The following FAM169A variants were observed in gnomAD, a reference collection of about 807,000 sequenced individuals.
FAM169A encodes the protein family with sequence similarity 169 member A, also known as soluble lamin-associated protein of 75 kDa.
FAM169A carries 24 observed loss-of-function variants against 75.7 expected under a neutral mutation model. The ratio of observed to expected loss-of-function variants is 0.32; its 90% CI spans 0.23 to 0.45. The LOEUF (loss-of-function observed/expected upper bound fraction) is 0.45. Ranked by LOEUF, FAM169A falls within the 20% of genes least tolerant of loss-of-function variation. FAM169A has a pLI of 1.00. For synonymous variants in FAM169A, 271 were observed against 271.0 expected, an observed-to-expected ratio of 1.00 and a Z score of 0.00; for missense variants, 673 against 784.0, an observed-to-expected ratio of 0.86 and a Z score of 1.69.
At chr5:74,795,929 A>G (rs1210931746) in intron 11 of FAM169A, 101 bp downstream of exon 11, 1 of 1,249,018 alleles carries the variant, frequency 8.0e-7, no homozygotes, top group Non-Finnish European at 1.1e-6. Context: ...GCAATTTCTA[A>G]CACTCTAAAA....
At chr5:74,806,487 T>C (rs1252646893) in intron 6 of FAM169A, among the ~76,000 whole-genome samples, 5 of 124,974 alleles carry the variant, frequency 4.0e-5, no homozygotes, top group Middle Eastern at 4.0e-3. Context: ...TCAGATGGAT[T>C]CCTTACAAAG....
intron 1 of FAM169A, among the ~76,000 whole-genome samples, chr5:74,843,396 C>CA (rs1748984674): frequency 6.6e-6 from 1 of 152,010 alleles, no homozygotes; most frequent in South Asian, 2.1e-4. Context: ...AACAGACAAG[C>CA]AAAAATAGCT....
At chr5:74,782,795 A>T (rs1322175453) in intron 12 of FAM169A, 136 bp downstream of exon 12, 3 of 537,088 alleles carry the variant, frequency 5.6e-6, no homozygotes, top group Non-Finnish European at 9.9e-6. Context: ...TATAATATCA[A>T]ATCTAGTATA....
Position 74,785,059 on chromosome 5 carries a change from C to T in FAM169A, c.1261-1925G>A, listed in dbSNP as rs1342518630. 3.3e-5 allele frequency among the ~76,000 whole-genome samples: 5 copies of T among 152,128 alleles called. No individual in the cohort carries two copies. In the East Asian group the frequency reaches 5.8e-4, roughly 18 times the overall value. On this transcript the variant is annotated intron_variant, in intron 11 of 12. Coordinates refer to ENST00000687041, the MANE Select transcript of FAM169A (RefSeq NM_001376049.1). Reference sequence around the variant, plus strand: ...AAAAAAGGCCAGGCACCGTGGCTCACGCCTATAATCCCAGCACTTTGGAAG... The same window carrying T: ...AAAAAAGGCCAGGCACCGTGGCTCATGCCTATAATCCCAGCACTTTGGAAG...
At chr5:74,803,171 C>G (rs2112536559) in intron 8 of FAM169A, among the ~76,000 whole-genome samples, 1 of 152,206 alleles carries the variant, frequency 6.6e-6, no homozygotes, top group East Asian at 1.9e-4. Flanking sequence ...TATTCTCACT[C>G]AAATGACACA....
intron 10 of FAM169A, among the ~76,000 whole-genome samples, chr5:74,796,405 T>C (rs1314298513): frequency 6.9e-6 from 1 of 145,872 alleles, no homozygotes; most frequent in Admixed American, 7.1e-5. Context: ...CATATCTTAA[T>C]GGATCTTTTT....
chr5:74,786,716 A>T (rs1324789761), intron 11 of FAM169A, among the ~76,000 whole-genome samples: 1 of 152,208 alleles, frequency 6.6e-6, no homozygotes, highest in Non-Finnish European at 1.5e-5. Context: ...CCCAAGTGAG[A>T]GTCTTATCTC....
At chr5:74,812,245 C>T (rs1195681294) in intron 6 of FAM169A, among the ~76,000 whole-genome samples, 1 of 151,922 alleles carries the variant, frequency 6.6e-6, no homozygotes, top group African/African-American at 2.4e-5. Context: ...CACTTCAGCC[C>T]CTCAAGTAAC....
chr5:74,781,950 C>G lies in FAM169A; in HGVS notation c.1523G>C (p.Gly508Ala). The change falls in exon 13 of 13, where the codon GGG becomes GCG. Residue 508 changes from glycine (G) to alanine (A), a missense_variant. Gly to Ala is a moderately conservative substitution (Grantham distance 60). Coordinates refer to ENST00000687041, the MANE Select transcript of FAM169A (RefSeq NM_001376049.1). Reference sequence around the variant, plus strand: ...TAGGGACAATTTCTCTTCCATGTGCCCCTTTTCATCAGATGTGCCTTCATC... The same window carrying G: ...TAGGGACAATTTCTCTTCCATGTGCGCCTTTTCATCAGATGTGCCTTCATC... ...LMDEGTSDEKGHMEEKLSLLP... is the reference protein window; with the variant it reads ...LMDEGTSDEKAHMEEKLSLLP... 1 of 1,614,002 alleles carries G rather than the reference C, an allele frequency of 6.2e-7. No individual in the cohort carries two copies.
chr5:74,841,282 T>C (rs1319826307), intron 2 of FAM169A, among the ~76,000 whole-genome samples: 1 of 152,190 alleles, frequency 6.6e-6, no homozygotes, highest in African/African-American at 2.4e-5. Context: ...CTGAAGCAGC[T>C]CAAATATAGT....
intron 1 of FAM169A, among the ~76,000 whole-genome samples, chr5:74,855,405 C>A (rs752100890): frequency 6.6e-6 from 1 of 152,116 alleles, no homozygotes; most frequent in Non-Finnish European, 1.5e-5. Context: ...ACCATGTTGC[C>A]CAGGCTGGTC....
rs890441658 is a variant in FAM169A at position 74,840,557 on chromosome 5, A to G, written c.133-384T>C. Among the ~76,000 whole-genome samples, 6 of 151,042 alleles carry G rather than the reference A, an allele frequency of 4.0e-5. No individual in the cohort carries two copies. The East Asian group carries it at 5.8e-4, about 15-fold the overall frequency. On this transcript the variant is annotated intron_variant, in intron 2 of 12. Coordinates refer to ENST00000687041, the MANE Select transcript of FAM169A (RefSeq NM_001376049.1). The stretch of plus-strand genomic sequence containing the variant: ...AAAAAAAAAAAAGCAGGCCGGGCAC[A>G]GTGGCTCACACCTGTAATCCCAGCA...
intron 1 of FAM169A, among the ~76,000 whole-genome samples, chr5:74,859,542 C>A (rs1293391206): frequency 6.6e-6 from 1 of 152,082 alleles, no homozygotes; most frequent in East Asian, 1.9e-4. Flanking sequence ...CCCGCCTTGG[C>A]CTCCCATAGT....
intron 1 of FAM169A, among the ~76,000 whole-genome samples, chr5:74,853,896 G>A (rs1749574658): frequency 6.7e-6 from 1 of 150,178 alleles, no homozygotes. Context: ...ATTTTTAAAT[G>A]GTTACTACAC....
chr5:74,846,539 A>T (rs1170051844), intron 1 of FAM169A, among the ~76,000 whole-genome samples: 1 of 152,246 alleles, frequency 6.6e-6, no homozygotes, highest in Non-Finnish European at 1.5e-5. Flanking sequence ...AAAATTCTAA[A>T]TACGCACGTT....
chr5:74,865,713 G>C (rs1415990938), intron 1 of FAM169A: 1 of 152,396 alleles, frequency 6.6e-6, no homozygotes, highest in Non-Finnish European at 1.5e-5. Flanking sequence ...CCACCTGGTC[G>C]GGTGAACCGA....
chr5:74,798,610 C>T (rs758596451), intron 10 of FAM169A, among the ~76,000 whole-genome samples: 24 of 152,132 alleles, frequency 1.6e-4, no homozygotes, highest in Non-Finnish European at 2.9e-4. Flanking sequence ...AATAATTTGA[C>T]AGTTAAAATG....
intron 9 of FAM169A, among the ~76,000 whole-genome samples, chr5:74,801,244 T>C (rs1203103503): frequency 6.6e-6 from 1 of 152,234 alleles, no homozygotes; most frequent in Non-Finnish European, 1.5e-5. Context: ...ATATGAACTG[T>C]GTAAGTCATT....
chr5:74,795,994 A>T (rs763677451), intron 11 of FAM169A, 36 bp downstream of exon 11: 1 of 1,592,632 alleles, frequency 6.3e-7, no homozygotes, highest in South Asian at 1.1e-5. Flanking sequence ...AATTTAGTTT[A>T]CTTTTTTTCA....
Sources: allele counts gnomAD v4.1 joint callset (sites outside exome capture counted in the v4.1 genomes callset), GRCh38; gene constraint gnomAD v4.1.1; transcripts MANE v1.5; gene names NCBI Gene and HGNC (gene_info 2026-07-23, HGNC 2026-07-21).